Variants in DMRT1 observed in about 807,000 individuals in gnomAD.
DMRT1 encodes doublesex- and mab-3-related transcription factor 1.
In DMRT1, 7 loss-of-function variants were observed where a neutral mutation model predicts 32.3. The ratio of observed to expected loss-of-function variants is 0.22; its 90% confidence interval spans 0.12 to 0.41. The LOEUF is 0.41. Ranked by LOEUF, DMRT1 falls within the 10% of genes least tolerant of loss-of-function variation. DMRT1 has a pLI of 1.00. For missense variants in DMRT1, 625 were observed against 500.5 expected (o/e 1.25, Z -2.37); for synonymous variants, 278 against 206.1 (o/e 1.35, Z -2.99).
Position 904,914 on chromosome 9 carries a change from C to T in DMRT1, c.822+10719C>T, listed in dbSNP as rs147787326. Among the ~76,000 whole-genome samples the T allele has an allele frequency of 2.8e-3, 418 of 150,166 alleles. 4 individuals carry two copies. The highest frequency in any genetic ancestry group is 0.01 in the Middle Eastern group (3 of 290). ...CCGAGATTGCGCCACTGTACTCCAGCCTGGGCAACAAGAACGAAACTCCGT... is the reference window on the plus strand; with the variant it reads ...CCGAGATTGCGCCACTGTACTCCAGTCTGGGCAACAAGAACGAAACTCCGT... On this transcript the variant is annotated intron_variant, in intron 3 of 4. Transcript: ENST00000382276.
At chr9:897,408 T>G (rs1382511321) in intron 3 of DMRT1, among the ~76,000 whole-genome samples, 1 of 151,848 alleles carries the variant, frequency 6.6e-6, no homozygotes, top group African/African-American at 2.4e-5. Context: ...GAGGGAATCA[T>G]ACTATTTTTG....
Position 842,007 on chromosome 9 carries a change from G to A in DMRT1, c.169G>A (p.Gly57Ser), listed in dbSNP as rs779345248. Residue 57 changes from glycine (G) to serine (S), a missense_variant, in exon 1 of 5, where the codon GGC (glycine) becomes AGC (serine). By Grantham distance (56) the Gly-to-Ser change is moderately conservative. This residue lies in a region of DMRT1 where 201 missense variants were observed against 152.0 expected (regional missense o/e 1.32). Coordinates refer to ENST00000382276, the MANE Select transcript of DMRT1 (RefSeq NM_021951.3). ...GGGCAGCAGCAGAGGAGGCGGCTCC[G>A]GCTCCGGGGCGTCGGACCTGGGTGC... is the stretch of plus-strand genomic sequence containing the variant. ...AGGSSRGGGS[G>S]SGASDLGAGS... The A allele has an allele frequency of 1.2e-5, 18 of 1,554,654 alleles. No individual in the cohort carries two copies. Among genetic ancestry groups the A allele is most frequent in the South Asian group, 3.5e-5 (3 of 85,358 alleles).
chr9:848,367 G>C (rs1306161503), intron 2 of DMRT1, among the ~76,000 whole-genome samples: 2 of 152,080 alleles, frequency 1.3e-5, no homozygotes, highest in Admixed American at 1.3e-4. Context: ...AAGCAGAAAA[G>C]AAGTTAAAAA....
intron 4 of DMRT1, among the ~76,000 whole-genome samples, chr9:943,000 A>G (rs1586647943): frequency 6.6e-6 from 1 of 151,246 alleles, no homozygotes; most frequent in African/African-American, 2.4e-5. Context: ...CCCCAACCCT[A>G]TATGATGCTG....
rs201141931 is a variant in DMRT1 at position 911,470 on chromosome 9, ATTTTTTTTTTTTTTTTTTTTTTTT to A, written c.823-5275_823-5252del. Among the ~76,000 whole-genome samples, 21 of 67,002 alleles carry A rather than the reference ATTTTTTTTTTTTTTTTTTTTTTTT, an allele frequency of 3.1e-4. No homozygotes were observed. In the South Asian group the frequency reaches 3.2e-3, roughly 10 times the overall value. 44.0% of individuals were successfully genotyped at this position (67,002 alleles called of 152,430 possible). ...CCATGCCTTTTTCTGGGTTAATTGC[ATTTTTTTTTTTTTTTTTTTTTTTT>A]TTTTTTTTTTTTTTTTTAGATGGAG... On this transcript the variant is annotated intron_variant, in intron 3 of 4. Transcript: ENST00000382276.
rs34336062 is a variant in DMRT1, at chr9:878,200, GC to G, written c.539-15702del. ...GTTCAGCCCTGGAACTGCAGCTGCT[GC>G]CCCCCCCCCACCCAATAAAAATGTC... is the stretch of plus-strand genomic sequence containing the variant. On this transcript the variant is annotated intron_variant, in intron 2 of 4. Coordinates refer to ENST00000382276, the MANE Select transcript of DMRT1 (RefSeq NM_021951.3). Among the ~76,000 whole-genome samples the G allele has an allele frequency of 1.0e-3, 98 of 94,064 alleles. 3 individuals are homozygous for G. The highest frequency in any genetic ancestry group is 4.5e-3 in the Admixed American group (36 of 7,996). The allele number at this position is 94,064 out of a possible 152,430, so 61.7% of individuals were successfully genotyped here.
intron 4 of DMRT1, among the ~76,000 whole-genome samples, chr9:954,804 G>A (rs1349951949): frequency 6.6e-6 from 1 of 151,842 alleles, no homozygotes; most frequent in African/African-American, 2.4e-5. Context: ...ACCACGCCCA[G>A]ATAATTTTTG....
intron 2 of DMRT1, among the ~76,000 whole-genome samples, chr9:867,737 C>A (rs1045642153): frequency 1.3e-5 from 2 of 152,160 alleles, no homozygotes; most frequent in Admixed American, 1.3e-4. Context: ...AGAGTAGTAA[C>A]TGGGACCCAG....
At chr9:934,538 A>G (rs894829721) in intron 4 of DMRT1, among the ~76,000 whole-genome samples, 9 of 152,214 alleles carry the variant, frequency 5.9e-5, no homozygotes, top group African/African-American at 2.2e-4. Context: ...CTCAAAAATT[A>G]AAAAATTTAA....
chr9:866,468 C>CT (rs1174568056), intron 2 of DMRT1, among the ~76,000 whole-genome samples: 105 of 152,084 alleles, frequency 6.9e-4, no homozygotes, highest in Non-Finnish European at 1.2e-3. Flanking sequence ...ACTCATTTAC[C>CT]CCGTTGTGGG....
At chr9:857,306 C>CA (rs201301715) in intron 2 of DMRT1, among the ~76,000 whole-genome samples, 2 of 126,080 alleles carry the variant, frequency 1.6e-5, no homozygotes, top group Admixed American at 7.9e-5. Context: ...GACTCTATCT[C>CA]AAAAAAAATA....
In DMRT1 at chr9:916,782, G is replaced by A. The variant is rs746913761; in HGVS notation, c.842G>A (p.Arg281His). ...AAGCAGATGAAGAACATGGAGAACC[G>A]CCATGCAATGAGCTCCCAGTACAGG... ...NQWQMKNMEN[R>H]HAMSSQYRMH... The change falls in exon 4 of 5, where the codon CGC (arginine) becomes CAC (histidine). Residue 281 changes from arginine (R) to histidine (H), a missense_variant. Coordinates refer to ENST00000382276, the MANE Select transcript of DMRT1 (RefSeq NM_021951.3). 43 of 1,614,004 alleles carry A rather than the reference G, an allele frequency of 2.7e-5. No homozygotes were observed. Among genetic ancestry groups the A allele is most frequent in the Admixed American group, 3.3e-5 (2 of 60,012 alleles).
At chr9:842,602 G>C in intron 1 of DMRT1, 1 of 169,806 alleles carries the variant, frequency 5.9e-6, no homozygotes. Flanking sequence ...GGGTTGTGGA[G>C]AGATGCGGCG....
At chr9:910,719 A>G (rs764520557) in intron 3 of DMRT1, among the ~76,000 whole-genome samples, 9 of 152,150 alleles carry the variant, frequency 5.9e-5, no homozygotes, top group Non-Finnish European at 1.3e-4. Flanking sequence ...TAACACCATG[A>G]GCATCCTCCA....
chr9:902,803 A>G (rs185121464), intron 3 of DMRT1, among the ~76,000 whole-genome samples: 1 of 152,048 alleles, frequency 6.6e-6, no homozygotes, highest in Non-Finnish European at 1.5e-5. Flanking sequence ...GCTCCTTTTT[A>G]TGACAGCCAT....
intron 4 of DMRT1, among the ~76,000 whole-genome samples, chr9:939,382 GTCT>G (rs1328045181): frequency 2.6e-4 from 40 of 152,254 alleles, no homozygotes; most frequent in African/African-American, 9.1e-4. Flanking sequence ...CATTCACCAA[GTCT>G]TCTTCTTTAA....
At chr9:949,870 C>A (rs370351610) in intron 4 of DMRT1, among the ~76,000 whole-genome samples, 24 of 152,308 alleles carry the variant, frequency 1.6e-4, no homozygotes, top group African/African-American at 5.3e-4. Context: ...AGGTTCATTC[C>A]GTTGCAAATG....
At chr9:849,248 C>T (rs1385932998) in intron 2 of DMRT1, among the ~76,000 whole-genome samples, 1 of 152,112 alleles carries the variant, frequency 6.6e-6, no homozygotes, top group Non-Finnish European at 1.5e-5. Flanking sequence ...TAACTGGGAC[C>T]AGTTGCCATG....
chr9:946,568 T>A (rs1264203757), intron 4 of DMRT1, among the ~76,000 whole-genome samples: 1 of 152,194 alleles, frequency 6.6e-6, no homozygotes, highest in African/African-American at 2.4e-5. Flanking sequence ...AACAGCCACC[T>A]CACACTGAAT....
Sources: allele counts gnomAD v4.1 joint callset (sites outside exome capture counted in the v4.1 genomes callset), GRCh38; gene constraint gnomAD v4.1.1; regional missense constraint gnomAD v4.1.1; transcripts MANE v1.5; gene names NCBI Gene and HGNC (gene_info 2026-07-23, HGNC 2026-07-21).